SCPEP1: variants seen among roughly 807,000 people sequenced by gnomAD.
SCPEP1 encodes retinoid-inducible serine carboxypeptidase.
In SCPEP1, 51 loss-of-function variants were observed where a neutral mutation model predicts 63.8. That is an observed-to-expected ratio of 0.80 (90% CI 0.64 to 1.01). SCPEP1 has a LOEUF of 1.01. SCPEP1 is among the 50% of genes least tolerant of loss of function. The pLI, the probability that SCPEP1 is intolerant of heterozygous loss-of-function variation, is 0.00. For missense variants in SCPEP1, 499 were observed against 554.9 expected, an observed-to-expected ratio of 0.90 and a Z score of 1.01; for synonymous variants, 204 against 207.8, an observed-to-expected ratio of 0.98 and a Z score of 0.16.
intron 7 of SCPEP1, 126 bp downstream of exon 7, chr17:56,995,144 T>G: frequency 1.3e-6 from 1 of 782,636 alleles, no homozygotes; most frequent in South Asian, 1.7e-5. Flanking sequence ...TAGGGACTAG[T>G]CATCCACATA....
intron 2 of SCPEP1, chr17:56,983,996 C>T (rs1911141279): frequency 6.6e-6 from 1 of 152,222 alleles, no homozygotes; most frequent in South Asian, 2.1e-4. Context: ...GAAACCTCCA[C>T]TTTTTGGGTT....
At chr17:56,988,743 T>G (rs1277480895) in intron 5 of SCPEP1, among the ~76,000 whole-genome samples, 3 of 151,686 alleles carry the variant, frequency 2.0e-5, no homozygotes, top group Non-Finnish European at 4.4e-5. Context: ...ATTCCTGCCT[T>G]GTATAAAATA....
In SCPEP1 at chr17:56,985,387, G is replaced by A. The variant is rs1488812072; in HGVS notation, c.235G>A (p.Gly79Ser). 3.1e-6 allele frequency: 5 copies of A among 1,614,016 alleles called. No individual in the cohort carries two copies. The African/African-American group carries it at 6.7e-5, about 22-fold the overall frequency. Reference protein sequence around the residue: ...PLVMWLQGGPGGSSTGFGNFE... With the variant: ...PLVMWLQGGPSGSSTGFGNFE... ...CTTCTCTCTTCCATAGGGCGGTCCA[G>A]GCGGTTCTAGCACTGGATTTGGAAA... The change falls in exon 3 of 13, where the codon GGC becomes AGC. Residue 79 changes from glycine (G) to serine (S), a missense_variant. Coordinates refer to ENST00000262288, the MANE Select transcript of SCPEP1 (RefSeq NM_021626.3).
intron 2 of SCPEP1, chr17:56,983,071 C>G (rs1911114859): frequency 6.6e-6 from 1 of 152,156 alleles, no homozygotes; most frequent in South Asian, 2.1e-4. Flanking sequence ...AAGCGTTTCA[C>G]TTGGTCCACT....
At chr17:56,999,290 T>C (rs1285017333) in intron 10 of SCPEP1, among the ~76,000 whole-genome samples, 1 of 152,160 alleles carries the variant, frequency 6.6e-6, no homozygotes, top group Admixed American at 6.5e-5. Context: ...ATGCTGGATA[T>C]GGCCAGGCAT....
intron 7 of SCPEP1, 126 bp downstream of exon 7, chr17:56,995,144 T>C (rs1911508758): frequency 1.3e-6 from 1 of 782,518 alleles, no homozygotes; most frequent in Non-Finnish European, 2.1e-6. Flanking sequence ...TAGGGACTAG[T>C]CATCCACATA....
chr17:56,980,093 TGTTTTTTGTTTGTTTGGTTGGTTG>T (rs1355276413), intron 1 of SCPEP1, among the ~76,000 whole-genome samples: 1 of 152,110 alleles, frequency 6.6e-6, no homozygotes, highest in East Asian at 1.9e-4. Flanking sequence ...TCTTCACTCA[TGTTTTTTGTTTGTTTGGTTGGTTG>T]GTTTTTTGTT....
At chr17:56,998,702 C>T (rs904279180) in intron 10 of SCPEP1, among the ~76,000 whole-genome samples, 5 of 152,270 alleles carry the variant, frequency 3.3e-5, no homozygotes, top group South Asian at 2.1e-4. Context: ...CAGTGGCTCA[C>T]GCCTATAATC....
At chr17:56,980,321 C>A (rs72842342) in intron 1 of SCPEP1, among the ~76,000 whole-genome samples, 4,784 of 152,152 alleles carry the variant, frequency 0.031, 98 homozygotes, top group East Asian at 0.055. Flanking sequence ...TGCTATGTTG[C>A]TTAGACTGGT....
intron 9 of SCPEP1, 102 bp downstream of exon 9, chr17:56,997,157 A>G (rs1911593952): frequency 1.5e-6 from 1 of 674,358 alleles, no homozygotes; most frequent in Admixed American, 3.2e-5. Context: ...TATAATTTGC[A>G]TACCATAAAA....
chr17:57,000,617 T>TA (rs1344214565), intron 10 of SCPEP1, among the ~76,000 whole-genome samples: 1 of 152,186 alleles, frequency 6.6e-6, no homozygotes, highest in African/African-American at 2.4e-5. Context: ...AATTCCTCAT[T>TA]AAAAATGGTG....
chr17:56,988,183 T>TTAATC (rs769256681), intron 4 of SCPEP1, 33 bp from the exon 5 acceptor site: 16 of 1,382,980 alleles, frequency 1.2e-5, no homozygotes, highest in Non-Finnish European at 1.5e-5. Context: ...GCAATCAAGG[T>TTAATC]AGTTAATTCT....
chr17:56,998,783 C>T (rs1911652082), intron 10 of SCPEP1, among the ~76,000 whole-genome samples: 1 of 151,804 alleles, frequency 6.6e-6, no homozygotes, highest in Non-Finnish European at 1.5e-5. Flanking sequence ...AAAGCCCCAT[C>T]TCTTTAAAAA....
rs530623387 is a variant in SCPEP1 at position 56,991,306 on chromosome 17, C to G, written c.619+135C>G. On this transcript the variant is annotated intron_variant, in intron 6 of 12. Transcript: ENST00000262288. The stretch of plus-strand genomic sequence containing the variant: ...CCCTTAGAGAAAGTGTTTGCTACAT[C>G]CAAGAAATATAGAGACAGAGTGCCT... The G allele has an allele frequency of 4.0e-6, 3 of 748,352 alleles. No individual in the cohort carries two copies. In the South Asian group the frequency reaches 4.6e-5, roughly 11 times the overall value. The allele number at this position is 748,352 out of a possible 1,614,324, so 46.4% of individuals were successfully genotyped here.
At chr17:56,996,634 C>G (rs1911572003) in intron 8 of SCPEP1, among the ~76,000 whole-genome samples, 1 of 152,102 alleles carries the variant, frequency 6.6e-6, no homozygotes, top group Non-Finnish European at 1.5e-5. Context: ...ATTCTCATGC[C>G]TCAGCCTCCA....
rs1282380639 is a variant in SCPEP1 at position 56,981,220 on chromosome 17, T to C, written c.215T>C (p.Met72Thr). Residue 72 changes from methionine to threonine, a missense_variant, in exon 2 of 13, where the codon ATG becomes ACG. Transcript: ENST00000262288. The part of the protein sequence containing the change: ...CKNFSELPLV[M>T]WLQGGPGGSS... ...AACTTCTCAGAACTGCCCCTGGTCA[T>C]GTGGCTTCAGGTAAAGTAGCTTCCC... 5 of 1,614,168 alleles carry C rather than the reference T, an allele frequency of 3.1e-6. No individual in the cohort carries two copies. Among genetic ancestry groups the C allele is most frequent in the South Asian group, 1.1e-5 (1 of 91,084 alleles).
At chr17:56,995,709 G>T in intron 8 of SCPEP1, 74 bp downstream of exon 8, 1 of 1,509,652 alleles carries the variant, frequency 6.6e-7, no homozygotes, top group Non-Finnish European at 8.9e-7. Flanking sequence ...GGTTGGTGTT[G>T]TCAAACTTGG....
chr17:57,003,140 A>C (rs1911790365), intron 12 of SCPEP1, among the ~76,000 whole-genome samples: 1 of 152,070 alleles, frequency 6.6e-6, no homozygotes, highest in African/African-American at 2.4e-5. Context: ...GAGTGATTTA[A>C]GGAAAGAGGA....
rs762906198 is a variant in SCPEP1, at chr17:56,998,506, T to A, written c.994+8T>A. ...AGGATCAATCCTGGGGAGGTACTTA[T>A]ATGACCTAATTAAGTGCCGTTTGTA... On this transcript the variant is annotated splice_region_variant and intron_variant, in intron 10 of 12. Coordinates refer to ENST00000262288, the MANE Select transcript of SCPEP1 (RefSeq NM_021626.3). 1.3e-6 allele frequency: 2 copies of A among 1,588,554 alleles called. No homozygotes were observed. The highest frequency in any genetic ancestry group is 1.7e-6 in the Non-Finnish European group (2 of 1,156,872).
Sources: allele counts gnomAD v4.1 joint callset (sites outside exome capture counted in the v4.1 genomes callset), GRCh38; gene constraint gnomAD v4.1.1; transcripts MANE v1.5; gene names NCBI Gene and HGNC (gene_info 2026-07-23, HGNC 2026-07-21).